The following LRIG1 variants were observed in gnomAD, a reference collection of about 807,000 sequenced individuals.
The protein encoded by LRIG1 is leucine rich repeats and immunoglobulin like domains 1.
In LRIG1, 48 loss-of-function variants were observed where a neutral mutation model predicts 99.2. The ratio of observed to expected loss-of-function variants is 0.48; its 90% CI spans 0.38 to 0.62. The LOEUF is 0.62. Ranked by LOEUF, LRIG1 falls within the 20% of genes least tolerant of loss-of-function variation. The pLI is 0.00. For missense variants in LRIG1, 1,646 were observed against 1,434.4 expected (o/e 1.15, Z -2.38); for synonymous variants, 772 against 596.1 (o/e 1.29, Z -4.30).
At chr3:66,396,665 C>T (rs1255646214) in intron 11 of LRIG1, among the ~76,000 whole-genome samples, 1 of 152,216 alleles carries the variant, frequency 6.6e-6, no homozygotes, top group African/African-American at 2.4e-5. Context: ...GGTCCAGTTC[C>T]TCCCAACTTC....
chr3:66,467,966 C>T (rs1316111397), intron 1 of LRIG1, among the ~76,000 whole-genome samples: 1 of 152,212 alleles, frequency 6.6e-6, no homozygotes, highest in African/African-American at 2.4e-5. Flanking sequence ...CCTTTGAGCA[C>T]ACAAAAAGTT....
chr3:66,495,089 C>A (rs983143379), intron 1 of LRIG1, among the ~76,000 whole-genome samples: 1 of 152,118 alleles, frequency 6.6e-6, no homozygotes, highest in Non-Finnish European at 1.5e-5. Flanking sequence ...TAACTTGAAA[C>A]AAAAGCACAA....
At chr3:66,472,475 T>C (rs980037496) in intron 1 of LRIG1, among the ~76,000 whole-genome samples, 1 of 152,138 alleles carries the variant, frequency 6.6e-6, no homozygotes, top group African/African-American at 2.4e-5. Flanking sequence ...CCTGTTCCGA[T>C]ACACTGAAAT....
chr3:66,468,933 T>A (rs555643026), intron 1 of LRIG1: 1 of 152,364 alleles, frequency 6.6e-6, no homozygotes, highest in African/African-American at 2.4e-5. Context: ...TGTAAGGTTT[T>A]ATAAAAGAGA....
intron 6 of LRIG1, among the ~76,000 whole-genome samples, chr3:66,411,016 G>A (rs1392329694): frequency 6.6e-6 from 1 of 152,206 alleles, no homozygotes; most frequent in Non-Finnish European, 1.5e-5. Context: ...GAATAAACCT[G>A]CACATCTACT....
intron 13 of LRIG1, among the ~76,000 whole-genome samples, chr3:66,384,907 G>A (rs1208328598): frequency 6.6e-6 from 1 of 152,198 alleles, no homozygotes; most frequent in African/African-American, 2.4e-5. Context: ...ATTTTGGGGA[G>A]AGTCTAACAA....
intron 4 of LRIG1, 103 bp from the exon 5 acceptor site, chr3:66,415,166 A>C: frequency 8.4e-7 from 1 of 1,189,474 alleles, no homozygotes; most frequent in Non-Finnish European, 1.2e-6. Flanking sequence ...AGATGAGTTA[A>C]GACACCAGAG....
intron 1 of LRIG1, among the ~76,000 whole-genome samples, chr3:66,477,819 CTAA>C (rs1700756766): frequency 6.7e-6 from 1 of 148,986 alleles, no homozygotes; most frequent in Non-Finnish European, 1.5e-5. Flanking sequence ...GGGAGGTGAT[CTAA>C]TAAAGCCTTC....
chr3:66,473,657 T>C lies in LRIG1; in HGVS notation c.219-11148A>G, dbSNP rs138962518. 8.0e-4 allele frequency among the ~76,000 whole-genome samples: 122 copies of C among 152,334 alleles called. No homozygotes were observed. In the East Asian group the frequency reaches 0.019, roughly 24 times the overall value. Reference sequence around the variant, plus strand: ...AAATACAGACAGCAGATCCCTGGTATTAAATCAGCCAAATTAGAAAAGCGA... The same window carrying C: ...AAATACAGACAGCAGATCCCTGGTACTAAATCAGCCAAATTAGAAAAGCGA... On this transcript the variant is annotated intron_variant, in intron 1 of 18. Coordinates refer to ENST00000273261, the MANE Select transcript of LRIG1 (RefSeq NM_015541.3).
intron 1 of LRIG1, among the ~76,000 whole-genome samples, chr3:66,468,503 C>T (rs1700525980): frequency 6.6e-6 from 1 of 152,184 alleles, no homozygotes; most frequent in Non-Finnish European, 1.5e-5. Flanking sequence ...TCTGTCTGGA[C>T]TCCTGAGCGC....
intron 11 of LRIG1, among the ~76,000 whole-genome samples, chr3:66,395,090 A>ATCCTCTTG (rs1701793196): frequency 6.6e-6 from 1 of 152,234 alleles, no homozygotes; most frequent in African/African-American, 2.4e-5. Flanking sequence ...CCAAGAGTCT[A>ATCCTCTTG]GCTGCCTTGT....
Position 66,383,240 on chromosome 3 carries a change from T to C in LRIG1, c.2233A>G (p.Asn745Asp). The change falls in exon 15 of 19, where the codon AAC becomes GAC. Residue 745 changes from asparagine to aspartate, a missense_variant. Asn to Asp is a conservative substitution (Grantham distance 23). Coordinates refer to ENST00000273261, the MANE Select transcript of LRIG1 (RefSeq NM_015541.3). ...ACGTTCTGAACCACCAGGAGCTGGT[T>C]GTCAGGGGTCAAGTGGTGCCGCTCA... ...LTERHHLTPDNQLLVVQNVVA... is the reference protein window; with the variant it reads ...LTERHHLTPDDQLLVVQNVVA... 1.2e-6 allele frequency: 2 copies of C among 1,614,210 alleles called. No homozygotes were observed. The highest frequency in any genetic ancestry group is 1.7e-6 in the Non-Finnish European group (2 of 1,180,032).
At chr3:66,445,537 T>TAC (rs1703688926) in intron 3 of LRIG1, among the ~76,000 whole-genome samples, 1 of 152,126 alleles carries the variant, frequency 6.6e-6, no homozygotes, top group African/African-American at 2.4e-5. Context: ...ACCTCGACTG[T>TAC]ACACACACCT....
rs143464927 is a variant in LRIG1 at position 66,383,097 on chromosome 3, C to T, written c.2376G>A (p.Thr792=). Reference sequence around the variant, plus strand: ...CGACAGCAATGGTGAAGATGCCTACCGTGGTCCCATCCTTCCTGCAGCCTG... The same window carrying T: ...CGACAGCAATGGTGAAGATGCCTACTGTGGTCCCATCCTTCCTGCAGCCTG... ...PAAGCRKDGT[T]VGIFTIAVVS... is the part of the protein sequence containing the mutation. Residue 792 remains threonine (T), a synonymous_variant, in exon 15 of 19, where the codon ACG becomes ACA. Coordinates refer to ENST00000273261, the MANE Select transcript of LRIG1 (RefSeq NM_015541.3). 1.5e-5 allele frequency: 25 copies of T among 1,614,256 alleles called. No homozygotes were observed. Among genetic ancestry groups the T allele is most frequent in the East Asian group, 8.9e-5 (4 of 44,878 alleles).
At chr3:66,498,564 T>TAAA (rs1050819942) in intron 1 of LRIG1, among the ~76,000 whole-genome samples, 4 of 124,618 alleles carry the variant, frequency 3.2e-5, no homozygotes, top group East Asian at 2.5e-4. Context: ...TGATTCTATT[T>TAAA]AAAAAAAAAA....
At chr3:66,416,331 A>T (rs1702612830) in intron 4 of LRIG1, among the ~76,000 whole-genome samples, 1 of 152,010 alleles carries the variant, frequency 6.6e-6, no homozygotes, top group Admixed American at 6.6e-5. Context: ...CATGTGCCAA[A>T]CCTCACCCTC....
chr3:66,477,758 C>T (rs1365898522), intron 1 of LRIG1, among the ~76,000 whole-genome samples: 2 of 152,046 alleles, frequency 1.3e-5, no homozygotes, highest in Non-Finnish European at 2.9e-5. Context: ...TGTAAAATCA[C>T]GCATAGGTGT....
intron 3 of LRIG1, among the ~76,000 whole-genome samples, chr3:66,436,028 A>G (rs1232758979): frequency 6.6e-6 from 1 of 152,186 alleles, no homozygotes; most frequent in Non-Finnish European, 1.5e-5. Context: ...GTGATTTCTG[A>G]AATGTAGGGA....
chr3:66,477,314 G>C (rs554527514), intron 1 of LRIG1, among the ~76,000 whole-genome samples: 8 of 152,302 alleles, frequency 5.3e-5, no homozygotes, highest in Non-Finnish European at 7.4e-5. Flanking sequence ...GACACACCAC[G>C]ACCCGGGTCA....
Sources: gnomAD v4.1 joint callset for allele counts (sites outside exome capture counted in the v4.1 genomes callset) on GRCh38, gnomAD v4.1.1 for gene constraint, MANE v1.5 for transcripts, NCBI Gene and HGNC (gene_info 2026-07-23, HGNC 2026-07-21) for gene names.